The following HPDL variants were observed in gnomAD, a reference collection of about 807,000 sequenced individuals.
The protein encoded by HPDL is 4-hydroxyphenylpyruvate dioxygenase-like protein.
HPDL carries 7 observed loss-of-function variants against 9.8 expected under a neutral mutation model. The observed-to-expected ratio is 0.71, with a 90% CI of 0.41 to 1.34. HPDL has a LOEUF of 1.34. Among genes scored for constraint, HPDL ranks in the 40% most tolerant of loss-of-function variants. The pLI is 0.01. For synonymous variants in HPDL, 250 were observed against 228.2 expected (o/e 1.10, Z -0.86); for missense variants, 530 against 495.1 (o/e 1.07, Z -0.67).
Position 45,326,988 on chromosome 1 carries a change from C to T in HPDL, c.-161C>T. The T allele has an allele frequency of 4.3e-6, 3 of 696,240 alleles. No individual in the cohort carries two copies. In the South Asian group the frequency reaches 9.5e-5, roughly 22 times the overall value. 43.1% of individuals were successfully genotyped at this position (696,240 alleles called of 1,614,324 possible). A position where few individuals can be genotyped will look rare whatever the true frequency, so the allele number is the denominator to read the frequency against. On this transcript the variant is annotated 5_prime_UTR_variant, in exon 1 of 1. Transcript: ENST00000334815. Reference sequence around the variant, plus strand: ...GGGAGAACCGCGAGCTCTCAGGGGTCGGCGGGTGACTTCTTTCCGGAAGAA... The same window carrying T: ...GGGAGAACCGCGAGCTCTCAGGGGTTGGCGGGTGACTTCTTTCCGGAAGAA...
Position 45,328,249 on chromosome 1 carries a change from G to A in HPDL, c.1101G>A (p.Arg367=), listed in dbSNP as rs1023864609. 1.2e-6 allele frequency: 2 copies of A among 1,613,940 alleles called. No homozygotes were observed. Among genetic ancestry groups the A allele is most frequent in the East Asian group, 4.5e-5 (2 of 44,880 alleles). The change falls in exon 1 of 1, where the codon AGG becomes AGA. Residue 367 remains arginine (R), a synonymous_variant. Transcript: ENST00000334815. The part of the protein sequence containing the change: ...LWQSVQEQSA[R]SQEA ...AGTCCGTACAGGAGCAATCTGCCAG[G>A]AGCCAGGAAGCCTAAGGATGCCCAG... is the stretch of plus-strand genomic sequence containing the variant.
rs1644272686 is a variant in HPDL at position 45,328,495 on chromosome 1, A to G, written c.*231A>G. The G allele has an allele frequency of 2.1e-6, 1 of 476,228 alleles. No individual in the cohort carries two copies. The highest frequency in any genetic ancestry group is 1.9e-5 in the African/African-American group (1 of 52,264). The allele number at this position is 476,228 out of a possible 1,614,324, so 29.5% of individuals were successfully genotyped here. On this transcript the variant is annotated 3_prime_UTR_variant, in exon 1 of 1. Coordinates refer to ENST00000334815, the MANE Select transcript of HPDL (RefSeq NM_032756.4). ...TATATACAGTCTATAATAAATATGT[A>G]AGATACAAAGAACAATAAAAGAATT...
At position 45,327,809 on chromosome 1, in the gene HPDL, C is replaced by T. The variant is rs890999381; in HGVS notation, c.661C>T (p.Pro221Ser). Residue 221 changes from proline (P) to serine (S), a missense_variant, in exon 1 of 1, where the codon CCG (proline) becomes TCG (serine). Transcript: ENST00000334815. The surrounding 1 kb of genome is among the most constrained non-coding windows in gnomAD (Gnocchi z 6.3). ...GAGGCTTACAGCCCTGCAGGCCCAG[C>T]CGGGCAGCATTGTCCCCACTCTTGT... Reference protein sequence around the residue: ...GLRLTALQAQPGSIVPTLVLA... With the variant: ...GLRLTALQAQSGSIVPTLVLA... 16 of 1,585,768 alleles carry T rather than the reference C, an allele frequency of 1.0e-5. No individual in the cohort carries two copies. The highest frequency in any genetic ancestry group is 2.3e-5 in the South Asian group (2 of 87,292).
chr1:45,327,280 G>T lies in HPDL; in HGVS notation c.132G>T (p.Gln44His). The T allele has an allele frequency of 6.3e-7, 1 of 1,593,374 alleles. No individual in the cohort carries two copies. The highest frequency in any genetic ancestry group is 1.7e-5 in the Admixed American group (1 of 57,558). Residue 44 changes from glutamine (Q) to histidine (H), a missense_variant, in exon 1 of 1, where the codon CAG becomes CAT. Physicochemically the swap from Gln to His is conservative, Grantham distance 24. Transcript: ENST00000334815. This position sits in a 1 kb window ranked among gnomAD's most constrained non-coding sequence, Gnocchi z 6.3. ...CGCGGGAGGTGGACGGCTGGCGGCA[G>T]CTAGCCCTGCGCAGCGGCGACGCGG... The part of the protein sequence containing the change: ...LASREVDGWR[Q>H]LALRSGDAVF...
chr1:45,326,918 A>G lies in HPDL; in HGVS notation c.-231A>G, dbSNP rs988893383. ...TCACAACCAGCAGCTCGGCTCACTG[A>G]GACCCGGTGGTCCAGACGCTGCTCC... is the stretch of plus-strand genomic sequence containing the variant. On this transcript the variant is annotated 5_prime_UTR_variant, in exon 1 of 1. Transcript: ENST00000334815. The G allele has an allele frequency of 9.4e-5, 41 of 436,746 alleles. No individual in the cohort carries two copies. The highest frequency in any genetic ancestry group is 5.5e-4 in the South Asian group (8 of 14,496). 27.1% of individuals were successfully genotyped at this position (436,746 alleles called of 1,614,324 possible).
Position 45,328,187 on chromosome 1 carries a change from AC to A in HPDL, c.1040del (p.Thr347MetfsTer66), listed in dbSNP as rs1644266253. Reference protein sequence around the residue: ...FLELIQRQGATGFGQGNIRAL... With the variant: ...FLELIQRQGAXGFGQGNIRAL... ...GGAGCTGATTCAGAGGCAGGGGGCC[AC>A]TGGCTTTGGTCAGGGCAACATCAGA... On this transcript the variant is annotated frameshift_variant, in exon 1 of 1. Transcript: ENST00000334815. LOFTEE classifies it high-confidence loss of function. 1.9e-6 allele frequency: 3 copies of A among 1,614,222 alleles called. No individual in the cohort carries two copies. The East Asian group carries it at 6.7e-5, about 36-fold the overall frequency.
At position 45,327,053 on chromosome 1, in the gene HPDL, A is replaced by C; in HGVS notation, c.-96A>C. On this transcript the variant is annotated 5_prime_UTR_variant, in exon 1 of 1. Transcript: ENST00000334815. This position sits in a 1 kb window ranked among gnomAD's most constrained non-coding sequence, Gnocchi z 6.3. ...TCTGCGGGGTGAGCCGGACTCCCCA[A>C]CTCCGGACGATCAGCCCAGGACTGA... 7.6e-7 allele frequency: 1 copy of C among 1,321,044 alleles called. No individual in the cohort carries two copies. The highest frequency in any genetic ancestry group is 1.0e-6 in the Non-Finnish European group (1 of 996,284). The allele number at this position is 1,321,044 out of a possible 1,614,324, so 81.8% of individuals were successfully genotyped here. A position where few individuals can be genotyped will look rare whatever the true frequency, so the allele number is the denominator to read the frequency against.
rs2149082208 is a variant in HPDL at position 45,328,010 on chromosome 1, T to A, written c.862T>A (p.Tyr288Asn). ...GTTCCTGGCTCCCCCTGGGGCATACTACCAGCAGCCAGGAAAGGAGAGGCA... is the reference window on the plus strand; with the variant it reads ...GTTCCTGGCTCCCCCTGGGGCATACAACCAGCAGCCAGGAAAGGAGAGGCA... ...GQFLAPPGAY[Y>N]QQPGKERQIR... is the part of the protein sequence containing the mutation. Residue 288 changes from tyrosine (Y) to asparagine (N), a missense_variant, in exon 1 of 1, where the codon TAC (tyrosine) becomes AAC (asparagine). Physicochemically the swap from Tyr to Asn is moderately radical, Grantham distance 143. Transcript: ENST00000334815. 1 of 1,613,724 alleles carries A rather than the reference T, an allele frequency of 6.2e-7. No individual in the cohort carries two copies. Among genetic ancestry groups the A allele is most frequent in the East Asian group, 2.2e-5 (1 of 44,882 alleles).
rs1644239584 is a variant in HPDL, at chr1:45,327,081, G to T, written c.-68G>T. 3 of 1,473,758 alleles carry T rather than the reference G, an allele frequency of 2.0e-6. No homozygotes were observed. Among genetic ancestry groups the T allele is most frequent in the Non-Finnish European group, 2.7e-6 (3 of 1,107,300 alleles). The allele number at this position is 1,473,758 out of a possible 1,614,324, so 91.3% of individuals were successfully genotyped here. ...CCGGACGATCAGCCCAGGACTGAGA[G>T]CCCCGAAGTCCCCAACCACAAGTAA... On this transcript the variant is annotated 5_prime_UTR_variant, in exon 1 of 1. Transcript: ENST00000334815. The surrounding 1 kb of genome is among the most constrained non-coding windows in gnomAD (Gnocchi z 6.3).
chr1:45,328,124 T>C lies in HPDL; in HGVS notation c.976T>C (p.Phe326Leu), dbSNP rs748643827. Residue 326 changes from phenylalanine (F) to leucine (L), a missense_variant, in exon 1 of 1, where the codon TTC becomes CTC. Transcript: ENST00000334815. ...TAAAGGCAAGTTTCTGCTTCAGGTC[T>C]TCACCAAGTCCCTTTTTACTGAGGA... ...GDKGKFLLQV[F>L]TKSLFTEDTF... The C allele has an allele frequency of 1.1e-5, 17 of 1,614,128 alleles. No homozygotes were observed. Among genetic ancestry groups the C allele is most frequent in the Non-Finnish European group, 1.4e-5 (16 of 1,180,054 alleles).
At position 45,327,303 on chromosome 1, in the gene HPDL, C is replaced by T. The variant is rs1422926305; in HGVS notation, c.155C>T (p.Ala52Val). 1 of 1,583,106 alleles carries T rather than the reference C, an allele frequency of 6.3e-7. No individual in the cohort carries two copies. The highest frequency in any genetic ancestry group is 8.6e-7 in the Non-Finnish European group (1 of 1,166,482). ...CAGCTAGCCCTGCGCAGCGGCGACGCGGTCTTTTTGGTGAACGAGGGCGCA... is the reference window on the plus strand; with the variant it reads ...CAGCTAGCCCTGCGCAGCGGCGACGTGGTCTTTTTGGTGAACGAGGGCGCA... ...WRQLALRSGDAVFLVNEGAGS... is the reference protein window; with the variant it reads ...WRQLALRSGDVVFLVNEGAGS... Residue 52 changes from alanine to valine, a missense_variant, in exon 1 of 1, where the codon GCG becomes GTG. Ala to Val is a moderately conservative substitution (Grantham distance 64). Coordinates refer to ENST00000334815, the MANE Select transcript of HPDL (RefSeq NM_032756.4). The surrounding 1 kb of genome is among the most constrained non-coding windows in gnomAD (Gnocchi z 6.3).
chr1:45,327,445 C>G lies in HPDL; in HGVS notation c.297C>G (p.Gly99=), dbSNP rs1156564993. The G allele has an allele frequency of 6.3e-7, 1 of 1,586,514 alleles. No homozygotes were observed. Among genetic ancestry groups the G allele is most frequent in the Non-Finnish European group, 8.5e-7 (1 of 1,172,746 alleles). ...CAACCCGGGAGCTGGCAGCGCTGGGCTGCAGCGTGCCTGTCCCTCCCGTTC... is the reference window on the plus strand; with the variant it reads ...CAACCCGGGAGCTGGCAGCGCTGGGGTGCAGCGTGCCTGTCCCTCCCGTTC... ...GAATRELAAL[G]CSVPVPPVRV... The change falls in exon 1 of 1, where the codon GGC becomes GGG. Residue 99 remains glycine, a synonymous_variant. Coordinates refer to ENST00000334815, the MANE Select transcript of HPDL (RefSeq NM_032756.4). The surrounding 1 kb of genome is among the most constrained non-coding windows in gnomAD (Gnocchi z 6.3).
At position 45,327,917 on chromosome 1, in the gene HPDL, CAG is replaced by C. The variant is rs1644259826; in HGVS notation, c.770_771del (p.Gln257ProfsTer8). The C allele has an allele frequency of 6.4e-7, 1 of 1,564,504 alleles. No homozygotes were observed. Among genetic ancestry groups the C allele is most frequent in the Non-Finnish European group, 8.7e-7 (1 of 1,154,210 alleles). On this transcript the variant is annotated frameshift_variant, in exon 1 of 1. Coordinates refer to ENST00000334815, the MANE Select transcript of HPDL (RefSeq NM_032756.4). LOFTEE classifies it high-confidence loss of function. The surrounding 1 kb of genome is among the most constrained non-coding windows in gnomAD (Gnocchi z 6.3). ...FLARHKGPGL[Q>X]HVGLYTPNIV... ...GGCCCGGCACAAGGGGCCAGGCCTG[CAG>C]CACGTGGGGCTGTATACGCCTAACA...
chr1:45,327,017 G>C lies in HPDL; in HGVS notation c.-132G>C. On this transcript the variant is annotated 5_prime_UTR_variant, in exon 1 of 1. Transcript: ENST00000334815. This position sits in a 1 kb window ranked among gnomAD's most constrained non-coding sequence, Gnocchi z 6.3. ...GGGTGACTTCTTTCCGGAAGAAAGCGAGGAACGCGCTCTGCGGGGTGAGCC... is the reference window on the plus strand; with the variant it reads ...GGGTGACTTCTTTCCGGAAGAAAGCCAGGAACGCGCTCTGCGGGGTGAGCC... The C allele has an allele frequency of 1.1e-6, 1 of 931,582 alleles. No individual in the cohort carries two copies. Among genetic ancestry groups the C allele is most frequent in the Non-Finnish European group, 1.5e-6 (1 of 675,826 alleles). 57.7% of individuals were successfully genotyped at this position (931,582 alleles called of 1,614,324 possible). A position where few individuals can be genotyped will look rare whatever the true frequency, so the allele number is the denominator to read the frequency against.
chr1:45,327,320 G>A lies in HPDL; in HGVS notation c.172G>A (p.Glu58Lys), dbSNP rs1355179984. The change falls in exon 1 of 1, where the codon GAG (glutamate) becomes AAG (lysine). Residue 58 changes from glutamate (E) to lysine (K), a missense_variant. Physicochemically the swap from Glu to Lys is moderately conservative, Grantham distance 56. Coordinates refer to ENST00000334815, the MANE Select transcript of HPDL (RefSeq NM_032756.4). This position sits in a 1 kb window ranked among gnomAD's most constrained non-coding sequence, Gnocchi z 6.3. ...CGGCGACGCGGTCTTTTTGGTGAAC[G>A]AGGGCGCAGGGTCTGGAGAGCCGCT... ...RSGDAVFLVN[E>K]GAGSGEPLYG... is the part of the protein sequence containing the mutation. The A allele has an allele frequency of 1.3e-6, 2 of 1,578,798 alleles. No homozygotes were observed. Among genetic ancestry groups the A allele is most frequent in the Admixed American group, 1.8e-5 (1 of 55,558 alleles).
At position 45,328,032 on chromosome 1, in the gene HPDL, G is replaced by A. The variant is rs1248912713; in HGVS notation, c.884G>A (p.Arg295Lys). 1 of 1,614,154 alleles carries A rather than the reference G, an allele frequency of 6.2e-7. No individual in the cohort carries two copies. The highest frequency in any genetic ancestry group is 8.5e-7 in the Non-Finnish European group (1 of 1,179,966). Reference protein sequence around the residue: ...GAYYQQPGKERQIRAAGHEPH... With the variant: ...GAYYQQPGKEKQIRAAGHEPH... ...TACTACCAGCAGCCAGGAAAGGAGA[G>A]GCAGATCCGAGCTGCAGGGCACGAG... Residue 295 changes from arginine to lysine, a missense_variant, in exon 1 of 1, where the codon AGG becomes AAG. By Grantham distance (26) the Arg-to-Lys change is conservative. Transcript: ENST00000334815.
chr1:45,326,979 C>T lies in HPDL; in HGVS notation c.-170C>T. The stretch of plus-strand genomic sequence containing the variant: ...GGCGCTGCAGGGAGAACCGCGAGCT[C>T]TCAGGGGTCGGCGGGTGACTTCTTT... On this transcript the variant is annotated 5_prime_UTR_variant, in exon 1 of 1. Transcript: ENST00000334815. The T allele has an allele frequency of 1.5e-6, 1 of 645,682 alleles. No individual in the cohort carries two copies. Among genetic ancestry groups the T allele is most frequent in the South Asian group, 3.3e-5 (1 of 30,298 alleles). 40.0% of individuals were successfully genotyped at this position (645,682 alleles called of 1,614,324 possible).
rs1644238311 is a variant in HPDL, at chr1:45,326,925, G to A, written c.-224G>A. ...CAGCAGCTCGGCTCACTGAGACCCG[G>A]TGGTCCAGACGCTGCTCCTGGCTGG... On this transcript the variant is annotated 5_prime_UTR_variant, in exon 1 of 1. In the 5' UTR this introduces an upstream ATG that the reference lacks. Coordinates refer to ENST00000334815, the MANE Select transcript of HPDL (RefSeq NM_032756.4). 6.7e-6 allele frequency: 3 copies of A among 447,660 alleles called. No homozygotes were observed. Among genetic ancestry groups the A allele is most frequent in the African/African-American group, 4.1e-5 (2 of 48,922 alleles). 27.7% of individuals were successfully genotyped at this position (447,660 alleles called of 1,614,324 possible).
At position 45,328,204 on chromosome 1, in the gene HPDL, C is replaced by A. The variant is rs1214680022; in HGVS notation, c.1056C>A (p.Gly352=). 1 of 1,614,214 alleles carries A rather than the reference C, an allele frequency of 6.2e-7. No homozygotes were observed. Among genetic ancestry groups the A allele is most frequent in the Non-Finnish European group, 8.5e-7 (1 of 1,180,050 alleles). ...AGGGGGCCACTGGCTTTGGTCAGGG[C>A]AACATCAGAGCTCTGTGGCAGTCCG... ...QRQGATGFGQ[G]NIRALWQSVQ... Residue 352 remains glycine, a synonymous_variant, in exon 1 of 1, where the codon GGC becomes GGA. Transcript: ENST00000334815.
Sources: allele counts gnomAD v4.1 joint callset, GRCh38; gene constraint gnomAD v4.1.1; non-coding constraint Gnocchi (gnomAD v3.1); transcripts MANE v1.5; gene names NCBI Gene and HGNC (gene_info 2026-07-23, HGNC 2026-07-21).